NKAIN3: variants seen among roughly 807,000 people sequenced by gnomAD.
NKAIN3 encodes sodium/potassium-transporting ATPase subunit beta-1-interacting protein 3.
Under a neutral mutation model 30.2 loss-of-function variants are expected in NKAIN3, and 25 were observed. The observed-to-expected ratio is 0.83, with a 90% confidence interval of 0.60 to 1.16. The LOEUF (loss-of-function observed/expected upper bound fraction) is 1.16, where lower values mean the gene tolerates loss of function less well. Among genes scored for constraint, NKAIN3 ranks in the 50% most tolerant of loss-of-function variants. The pLI is 0.00. For synonymous variants in NKAIN3, 91 were observed against 89.6 expected, an observed-to-expected ratio of 1.02 and a Z score of -0.09; for missense variants, 225 against 254.1, an observed-to-expected ratio of 0.89 and a Z score of 0.78.
intron 1 of NKAIN3, among the ~76,000 whole-genome samples, chr8:62,511,412 A>G (rs977275417): frequency 6.6e-6 from 1 of 152,098 alleles, no homozygotes; most frequent in Non-Finnish European, 1.5e-5. Context: ...CTCAGATGCC[A>G]CCCAGATCCC....
intron 4 of NKAIN3, among the ~76,000 whole-genome samples, chr8:62,774,323 AC>A (rs1324330932): frequency 6.6e-6 from 1 of 152,160 alleles, no homozygotes. Context: ...TTTAGGTGTT[AC>A]CAAATATAAG....
intron 4 of NKAIN3, among the ~76,000 whole-genome samples, chr8:62,905,599 A>C (rs1485831374): frequency 6.6e-6 from 1 of 152,058 alleles, no homozygotes; most frequent in Non-Finnish European, 1.5e-5. Context: ...ACCTGCTCTG[A>C]TCGGATTTTT....
chr8:62,317,102 C>T (rs972810832), intron 1 of NKAIN3, among the ~76,000 whole-genome samples: 1 of 152,130 alleles, frequency 6.6e-6, no homozygotes, highest in African/African-American at 2.4e-5. Flanking sequence ...TCATATCCTT[C>T]ACCCACTTTT....
chr8:62,955,593 T>C (rs1206220810), intron 6 of NKAIN3, among the ~76,000 whole-genome samples: 4 of 152,078 alleles, frequency 2.6e-5, no homozygotes, highest in Non-Finnish European at 5.9e-5. Flanking sequence ...TTAAGAGAGA[T>C]CCTTCTATTA....
At chr8:62,375,746 A>T (rs571122029) in intron 1 of NKAIN3, among the ~76,000 whole-genome samples, 1 of 152,208 alleles carries the variant, frequency 6.6e-6, no homozygotes, top group African/African-American at 2.4e-5. Context: ...ATCTTTAATG[A>T]TATTAAAATG....
At chr8:62,308,515 A>G (rs1378713116) in intron 1 of NKAIN3, among the ~76,000 whole-genome samples, 19 of 150,716 alleles carry the variant, frequency 1.3e-4, no homozygotes. Context: ...TTATGTTACC[A>G]AAAGCAAGTG....
At chr8:62,486,695 A>G (rs1806914051) in intron 1 of NKAIN3, among the ~76,000 whole-genome samples, 1 of 152,176 alleles carries the variant, frequency 6.6e-6, no homozygotes, top group Non-Finnish European at 1.5e-5. Context: ...TGGATTGGAA[A>G]AGTGAGGAAG....
intron 5 of NKAIN3, among the ~76,000 whole-genome samples, chr8:62,933,767 C>T (rs966281039): frequency 3.3e-5 from 5 of 152,086 alleles, no homozygotes; most frequent in Non-Finnish European, 7.4e-5. Flanking sequence ...TTGAATAGCT[C>T]CAAAAATAGA....
At chr8:62,869,764 T>C (rs1255550948) in intron 4 of NKAIN3, among the ~76,000 whole-genome samples, 3 of 147,004 alleles carry the variant, frequency 2.0e-5, no homozygotes, top group Admixed American at 6.7e-5. Flanking sequence ...TTTGTTTCTG[T>C]TTTTGTTTTT....
chr8:62,678,232 T>C (rs939907183), intron 3 of NKAIN3, among the ~76,000 whole-genome samples: 1 of 152,210 alleles, frequency 6.6e-6, no homozygotes, highest in East Asian at 1.9e-4. Context: ...CTAAGATGTT[T>C]ATCACTTTCT....
chr8:62,825,769 T>C (rs757544101), intron 4 of NKAIN3, among the ~76,000 whole-genome samples: 1 of 152,116 alleles, frequency 6.6e-6, no homozygotes, highest in Non-Finnish European at 1.5e-5. Flanking sequence ...TTAGAAATTG[T>C]ATTATAAAGT....
At chr8:62,537,804 A>T (rs1808711326) in intron 1 of NKAIN3, among the ~76,000 whole-genome samples, 1 of 152,088 alleles carries the variant, frequency 6.6e-6, no homozygotes, top group African/African-American at 2.4e-5. Context: ...GGAGCTGGTG[A>T]CTCAAAGTTG....
chr8:62,428,666 T>G (rs925213721), intron 1 of NKAIN3, among the ~76,000 whole-genome samples: 3 of 151,954 alleles, frequency 2.0e-5, no homozygotes, highest in African/African-American at 7.2e-5. Flanking sequence ...AATGTCCATT[T>G]AGCACTTTTG....
chr8:62,859,508 T>TAAAAAAA lies in NKAIN3; in HGVS notation c.472-58938_472-58932dup, dbSNP rs531859546. On this transcript the variant is annotated intron_variant, in intron 4 of 6. Coordinates refer to ENST00000623646, the MANE Select transcript of NKAIN3 (RefSeq NM_001304533.3). ...ACTTTTTCTATACTCTTACTTCAAC[T>TAAAAAAA]AAAAAAAAAAAAACTTCATGGAAGT... Among the ~76,000 whole-genome samples, 56 of 60,442 alleles carry TAAAAAAA rather than the reference T, an allele frequency of 9.3e-4. 6 individuals are homozygous for TAAAAAAA. Among genetic ancestry groups the TAAAAAAA allele is most frequent in the African/African-American group, 3.0e-3 (53 of 17,930 alleles). The allele number at this position is 60,442 out of a possible 152,430, so 39.7% of individuals were successfully genotyped here.
chr8:62,265,824 TTG>T (rs1812583937), intron 1 of NKAIN3, among the ~76,000 whole-genome samples: 1 of 152,150 alleles, frequency 6.6e-6, no homozygotes, highest in South Asian at 2.1e-4. Flanking sequence ...CTTTTAACCT[TTG>T]TGTGTGGTGT....
chr8:62,390,468 T>C (rs1187420933), intron 1 of NKAIN3, among the ~76,000 whole-genome samples: 4 of 152,168 alleles, frequency 2.6e-5, no homozygotes, highest in African/African-American at 9.7e-5. Context: ...TAGATTGATT[T>C]CATGTTTGGC....
chr8:62,335,432 C>CAAAA (rs5891845), intron 1 of NKAIN3, among the ~76,000 whole-genome samples: 5 of 82,164 alleles, frequency 6.1e-5, no homozygotes, highest in African/African-American at 9.3e-5. Context: ...GACTCTGTCT[C>CAAAA]AAAAAAAAAA....
chr8:62,817,590 C>T (rs992581680), intron 4 of NKAIN3, among the ~76,000 whole-genome samples: 18 of 152,032 alleles, frequency 1.2e-4, no homozygotes, highest in Non-Finnish European at 1.9e-4. Flanking sequence ...AATCACCGAG[C>T]CAACAGGCAT....
At chr8:62,610,222 G>C (rs1201820849) in intron 3 of NKAIN3, among the ~76,000 whole-genome samples, 2 of 151,966 alleles carry the variant, frequency 1.3e-5, no homozygotes, top group Non-Finnish European at 2.9e-5. Context: ...GCACATGCCT[G>C]TAATCCCAGC....
Sources: gnomAD v4.1 joint callset for allele counts (sites outside exome capture counted in the v4.1 genomes callset) on GRCh38, gnomAD v4.1.1 for gene constraint, MANE v1.5 for transcripts, NCBI Gene and HGNC (gene_info 2026-07-23, HGNC 2026-07-21) for gene names.